RUNX1: variants seen among roughly 807,000 people sequenced by gnomAD.
RUNX1 encodes runt-related transcription factor 1.
RUNX1 carries 19 observed loss-of-function variants against 42.8 expected under a neutral mutation model. That is an observed-to-expected ratio of 0.44 (90% CI 0.31 to 0.65). RUNX1 has a LOEUF of 0.65. Ranked by LOEUF, RUNX1 falls within the 30% of genes least tolerant of loss-of-function variation. The pLI is 0.07. For synonymous variants in RUNX1, 271 were observed against 289.4 expected (o/e 0.94, Z 0.64); for missense variants, 528 against 672.0 (o/e 0.79, Z 2.37).
intron 6 of RUNX1, among the ~76,000 whole-genome samples, chr21:34,850,261 T>C (rs1316410121): frequency 1.3e-5 from 2 of 152,144 alleles, no homozygotes; most frequent in Non-Finnish European, 2.9e-5. Context: ...GGCCTGACCA[T>C]CTCAGACTGG....
At chr21:35,010,290 T>G (rs754397278) in intron 2 of RUNX1, among the ~76,000 whole-genome samples, 1 of 152,154 alleles carries the variant, frequency 6.6e-6, no homozygotes, top group African/African-American at 2.4e-5. Context: ...CAATATAGAT[T>G]TGGGGTAGTA....
chr21:34,896,576 A>G (rs6517260), intron 2 of RUNX1, among the ~76,000 whole-genome samples: 43,694 of 151,984 alleles, frequency 0.29, 7,227 homozygotes, highest in African/African-American at 0.45. Flanking sequence ...CCAGCTATTC[A>G]GGAGGCTGAG....
chr21:34,863,712 A>T (rs766656054), intron 5 of RUNX1, among the ~76,000 whole-genome samples: 1 of 151,662 alleles, frequency 6.6e-6, no homozygotes, highest in Non-Finnish European at 1.5e-5. Flanking sequence ...ATACCACCAC[A>T]CCCAGCTAAT....
At chr21:35,018,000 C>T (rs1177978688) in intron 2 of RUNX1, among the ~76,000 whole-genome samples, 1 of 151,866 alleles carries the variant, frequency 6.6e-6, no homozygotes, top group African/African-American at 2.4e-5. Context: ...GTGCCCATAC[C>T]CCAAAATTTA....
chr21:34,874,473 G>A (rs2057784695), intron 5 of RUNX1, among the ~76,000 whole-genome samples: 1 of 151,604 alleles, frequency 6.6e-6, no homozygotes, highest in South Asian at 2.1e-4. Context: ...GCCAGGCGTG[G>A]TGGTGGATGC....
At chr21:34,912,710 ACATCTGATG>A (rs2058281836) in intron 2 of RUNX1, among the ~76,000 whole-genome samples, 1 of 152,188 alleles carries the variant, frequency 6.6e-6, no homozygotes, top group South Asian at 2.1e-4. Flanking sequence ...TGGAAAGCAC[ACATCTGATG>A]CATACCTGAA....
At chr21:35,038,638 TGTGTGTGTGA>T (rs2059333846) in intron 2 of RUNX1, 1 of 453,920 alleles carries the variant, frequency 2.2e-6, no homozygotes, top group African/African-American at 2.0e-5. Flanking sequence ...TGTGTGTGTG[TGTGTGTGTGA>T]GATAGAGAGA....
intron 7 of RUNX1, among the ~76,000 whole-genome samples, chr21:34,832,684 G>C (rs1442279744): frequency 6.6e-6 from 1 of 152,048 alleles, no homozygotes; most frequent in Non-Finnish European, 1.5e-5. Context: ...GTATTGTTTT[G>C]CCCCAAGCCC....
chr21:35,020,267 A>G (rs71329093), intron 2 of RUNX1, among the ~76,000 whole-genome samples: 5,119 of 152,162 alleles, frequency 0.034, 100 homozygotes, highest in Non-Finnish European at 0.052. Context: ...AAACAAAAGA[A>G]TGATCCCTTG....
chr21:34,934,589 A>G (rs911533376), intron 2 of RUNX1, among the ~76,000 whole-genome samples: 2 of 152,186 alleles, frequency 1.3e-5, no homozygotes, highest in Admixed American at 6.5e-5. Context: ...AGAGGACTCC[A>G]TGATATGAAC....
chr21:34,938,099 T>C (rs1356228600), intron 2 of RUNX1, among the ~76,000 whole-genome samples: 1 of 152,198 alleles, frequency 6.6e-6, no homozygotes, highest in African/African-American at 2.4e-5. Flanking sequence ...GAGCAATTAA[T>C]AAATCATGAG....
At chr21:34,921,195 T>A (rs2058351155) in intron 2 of RUNX1, among the ~76,000 whole-genome samples, 1 of 152,178 alleles carries the variant, frequency 6.6e-6, no homozygotes, top group Non-Finnish European at 1.5e-5. Flanking sequence ...CTAAATATAT[T>A]CACACTGTTG....
chr21:34,876,224 G>C (rs530320528), intron 5 of RUNX1, among the ~76,000 whole-genome samples: 1 of 152,298 alleles, frequency 6.6e-6, no homozygotes, highest in South Asian at 2.1e-4. Flanking sequence ...GTGATGATAT[G>C]TGGGCATACC....
chr21:34,949,388 A>T (rs2058589824), intron 2 of RUNX1, among the ~76,000 whole-genome samples: 1 of 152,244 alleles, frequency 6.6e-6, no homozygotes, highest in Admixed American at 6.5e-5. Flanking sequence ...CTGTGAAGTT[A>T]ATTTCTGGAA....
chr21:35,047,147 G>A (rs1368746153), intron 2 of RUNX1, among the ~76,000 whole-genome samples: 1 of 152,142 alleles, frequency 6.6e-6, no homozygotes, highest in Non-Finnish European at 1.5e-5. Flanking sequence ...TCCTGAATCT[G>A]CCTTCCTGAG....
intron 6 of RUNX1, among the ~76,000 whole-genome samples, chr21:34,855,497 G>C (rs1476018531): frequency 2.0e-5 from 3 of 152,166 alleles, no homozygotes; most frequent in South Asian, 4.1e-4. Flanking sequence ...TTGAGGTCAG[G>C]AGTTCGAGAC....
intron 7 of RUNX1, among the ~76,000 whole-genome samples, chr21:34,820,122 A>C (rs2056885983): frequency 6.6e-6 from 1 of 152,194 alleles, no homozygotes; most frequent in Non-Finnish European, 1.5e-5. Context: ...CTTTGTGCTC[A>C]GGAAGTGACC....
chr21:34,981,460 A>G (rs564902914), intron 2 of RUNX1, among the ~76,000 whole-genome samples: 2 of 152,312 alleles, frequency 1.3e-5, no homozygotes, highest in South Asian at 2.1e-4. Flanking sequence ...CCCTGGACCT[A>G]TTCTAGAAGC....
In RUNX1 at chr21:34,830,225, A is replaced by G. The variant is rs554197402; in HGVS notation, c.805+4185T>C. On this transcript the variant is annotated intron_variant, in intron 7 of 8. Transcript: ENST00000675419. ...TTTGGATGATAAGCACTTGGTCCCA[A>G]TGAACTTCAAAAGTAGGAAGGCAAT... Among the ~76,000 whole-genome samples the G allele has an allele frequency of 9.8e-5, 15 of 152,328 alleles. No homozygotes were observed. In the South Asian group the frequency reaches 2.9e-3, roughly 29 times the overall value.
Sources: allele counts gnomAD v4.1 joint callset (sites outside exome capture counted in the v4.1 genomes callset), GRCh38; gene constraint gnomAD v4.1.1; transcripts MANE v1.5; gene names NCBI Gene and HGNC (gene_info 2026-07-23, HGNC 2026-07-21).